Variants in HHIP observed in about 807,000 individuals in gnomAD.
The protein encoded by HHIP is hedgehog-interacting protein.
A neutral mutation model predicts 74.0 loss-of-function variants in HHIP; 12 were observed. That is an observed-to-expected ratio of 0.16 (90% confidence interval 0.10 to 0.26). The LOEUF is 0.26. Among genes scored for constraint, HHIP ranks in the 10% least tolerant of loss-of-function variants. The probability of loss-of-function intolerance (pLI) is 1.00; values close to 1 mark genes in which losing one functional copy is unlikely to be tolerated. For missense variants in HHIP, 788 were observed against 845.0 expected (o/e 0.93, Z 0.84); for synonymous variants, 309 against 311.6 (o/e 0.99, Z 0.09).
chr4:144,741,886 A>G lies in HHIP; in HGVS notation c.*3929A>G, dbSNP rs1731270891. The G allele has an allele frequency of 6.6e-6, 1 of 152,064 alleles. No homozygotes were observed. The highest frequency in any genetic ancestry group is 2.4e-5 in the African/African-American group (1 of 41,394). The allele number at this position is 152,064 out of a possible 1,614,324, so 9.4% of individuals were successfully genotyped here. On this transcript the variant is annotated 3_prime_UTR_variant, in exon 13 of 13. Transcript: ENST00000296575. ...TTTTAGAGGAAGGCTAAGGTATACTATTGGCAGTTGTAGTTTTAATTGTAA... is the reference window on the plus strand; with the variant it reads ...TTTTAGAGGAAGGCTAAGGTATACTGTTGGCAGTTGTAGTTTTAATTGTAA...
chr4:144,738,019 A>G lies in HHIP; in HGVS notation c.*62A>G. The G allele has an allele frequency of 6.8e-7, 1 of 1,469,378 alleles. No homozygotes were observed. The highest frequency in any genetic ancestry group is 9.0e-7 in the Non-Finnish European group (1 of 1,114,860). 91.0% of individuals were successfully genotyped at this position (1,469,378 alleles called of 1,614,324 possible). A position where few individuals can be genotyped will look rare whatever the true frequency, so the allele number is the denominator to read the frequency against. On this transcript the variant is annotated 3_prime_UTR_variant, in exon 13 of 13. Coordinates refer to ENST00000296575, the MANE Select transcript of HHIP (RefSeq NM_022475.3). ...ATTTATTTTTTATCCTGTCATTAAA[A>G]AAAAAAGACTGTTATCCTGCTACAC...
chr4:144,734,617 TA>T (rs35694650), intron 11 of HHIP, 123 bp from the exon 12 acceptor site: 35,611 of 558,228 alleles, frequency 0.064, 2 homozygotes, highest in East Asian at 0.17. Flanking sequence ...CTGAGTCACT[TA>T]AAAAAAAAAA....
intron 11 of HHIP, among the ~76,000 whole-genome samples, chr4:144,726,880 T>C (rs923782): frequency 0.58 from 88,671 of 151,944 alleles, 26,104 homozygotes; most frequent in South Asian, 0.76. Flanking sequence ...TTTCAGAGTT[T>C]CACTTCCATC....
chr4:144,728,688 C>T (rs1182836885), intron 11 of HHIP, among the ~76,000 whole-genome samples: 1 of 152,092 alleles, frequency 6.6e-6, no homozygotes, highest in African/African-American at 2.4e-5. Context: ...TAATTTCTTG[C>T]TGTACTTCAG....
chr4:144,676,831 A>T (rs992849836), intron 4 of HHIP, among the ~76,000 whole-genome samples: 2 of 152,230 alleles, frequency 1.3e-5, no homozygotes, highest in African/African-American at 4.8e-5. Flanking sequence ...AGGAAGGTAT[A>T]ACCAAAGTCT....
At chr4:144,707,348 C>T in intron 6 of HHIP, 88 bp downstream of exon 6, 1 of 1,114,024 alleles carries the variant, frequency 9.0e-7, no homozygotes, top group Non-Finnish European at 1.3e-6. Context: ...AATTAAGAAC[C>T]ATCTTTGAAT....
intron 4 of HHIP, among the ~76,000 whole-genome samples, chr4:144,704,205 T>C (rs1053621617): frequency 2.0e-5 from 3 of 152,208 alleles, no homozygotes; most frequent in African/African-American, 7.2e-5. Flanking sequence ...AGTGAGTATT[T>C]CTCTGAAATG....
chr4:144,673,385 T>C (rs1348794256), intron 4 of HHIP, among the ~76,000 whole-genome samples: 5 of 152,132 alleles, frequency 3.3e-5, no homozygotes, highest in African/African-American at 1.2e-4. Context: ...TGGGTTCTGG[T>C]GAAAGGTTGT....
intron 10 of HHIP, among the ~76,000 whole-genome samples, chr4:144,718,191 G>C (rs1288834029): frequency 1.3e-5 from 2 of 152,170 alleles, no homozygotes; most frequent in African/African-American, 4.8e-5. Flanking sequence ...GGGAGTTGGG[G>C]AAGGTGCGAT....
chr4:144,743,071 G>C lies in HHIP; in HGVS notation c.*5114G>C, dbSNP rs1731309769. 1 of 141,094 alleles carries C rather than the reference G, an allele frequency of 7.1e-6. No homozygotes were observed. The highest frequency in any genetic ancestry group is 1.5e-5 in the Non-Finnish European group (1 of 65,706). 8.7% of individuals were successfully genotyped at this position (141,094 alleles called of 1,614,324 possible). Reference sequence around the variant, plus strand: ...ATCTTAATACATATATATAACCATGGAACCTGCCAAACACTAATCCTAGCC... The same window carrying C: ...ATCTTAATACATATATATAACCATGCAACCTGCCAAACACTAATCCTAGCC... On this transcript the variant is annotated 3_prime_UTR_variant, in exon 13 of 13. Coordinates refer to ENST00000296575, the MANE Select transcript of HHIP (RefSeq NM_022475.3).
chr4:144,717,103 A>C (rs1018225138), intron 10 of HHIP, among the ~76,000 whole-genome samples: 7 of 152,134 alleles, frequency 4.6e-5, no homozygotes, highest in Admixed American at 1.3e-4. Context: ...ACTCTCCAAA[A>C]GCTACAACCC....
At chr4:144,661,520 G>A (rs1728713684) in intron 4 of HHIP, among the ~76,000 whole-genome samples, 1 of 152,064 alleles carries the variant, frequency 6.6e-6, no homozygotes, top group Non-Finnish European at 1.5e-5. Context: ...TATATCACAC[G>A]GATATCAGAG....
intron 2 of HHIP, among the ~76,000 whole-genome samples, chr4:144,653,206 T>C (rs137904770): frequency 8.1e-4 from 123 of 152,272 alleles, no homozygotes; most frequent in African/African-American, 2.8e-3. Flanking sequence ...GTCCACTGAC[T>C]TGTAAGATAG....
intron 4 of HHIP, among the ~76,000 whole-genome samples, chr4:144,696,369 G>C (rs1183667833): frequency 6.6e-6 from 1 of 151,486 alleles, no homozygotes; most frequent in Non-Finnish European, 1.5e-5. Flanking sequence ...ACACACTTCA[G>C]TATATCCCAC....
At chr4:144,708,939 A>G (rs1730218903) in intron 7 of HHIP, among the ~76,000 whole-genome samples, 1 of 152,238 alleles carries the variant, frequency 6.6e-6, no homozygotes, top group Non-Finnish European at 1.5e-5. Context: ...TGGTACTACC[A>G]TGAACCAAAA....
At chr4:144,682,106 A>T (rs969966320) in intron 4 of HHIP, among the ~76,000 whole-genome samples, 1 of 152,222 alleles carries the variant, frequency 6.6e-6, no homozygotes, top group Non-Finnish European at 1.5e-5. Flanking sequence ...CAGAACGTTC[A>T]TGTTTCTGAG....
intron 4 of HHIP, among the ~76,000 whole-genome samples, chr4:144,692,367 G>C (rs1729698277): frequency 6.6e-6 from 1 of 152,096 alleles, no homozygotes; most frequent in Non-Finnish European, 1.5e-5. Context: ...GCAAGAATAG[G>C]AGGTACACAT....
chr4:144,732,469 A>C (rs562147696), intron 11 of HHIP, among the ~76,000 whole-genome samples: 1 of 152,160 alleles, frequency 6.6e-6, no homozygotes, highest in Non-Finnish European at 1.5e-5. Context: ...CTTATGTTTG[A>C]ATGTTTGGTG....
In HHIP at chr4:144,708,291, T is replaced by C. The variant is rs1434276502; in HGVS notation, c.1281T>C (p.His427=). 9 of 1,614,148 alleles carry C rather than the reference T, an allele frequency of 5.6e-6. No individual in the cohort carries two copies. The highest frequency in any genetic ancestry group is 4.5e-5 in the East Asian group (2 of 44,860). Residue 427 remains histidine, a synonymous_variant, in exon 7 of 13, where the codon CAT becomes CAC. Transcript: ENST00000296575. Reference sequence around the variant, plus strand: ...ACCAGCCCCCCGAAGTGTTTGCTCATGGGCTCCACGATCCAGGCAGGTGAG... The same window carrying C: ...ACCAGCCCCCCGAAGTGTTTGCTCACGGGCTCCACGATCCAGGCAGGTGAG... The part of the protein sequence containing the change: ...STNQPPEVFA[H]GLHDPGRCAV...
Sources: allele counts gnomAD v4.1 joint callset (sites outside exome capture counted in the v4.1 genomes callset), GRCh38; gene constraint gnomAD v4.1.1; transcripts MANE v1.5; gene names NCBI Gene and HGNC (gene_info 2026-07-23, HGNC 2026-07-21).